Variants in LYPLAL1 observed in about 807,000 individuals in gnomAD.
LYPLAL1 encodes lysophospholipase like 1.
In LYPLAL1, 23 loss-of-function variants were observed where a neutral mutation model predicts 19.7. The ratio of observed to expected loss-of-function variants is 1.17; its 90% CI spans 0.84 to 1.65. LYPLAL1 has a LOEUF of 1.65. Among genes scored for constraint, LYPLAL1 ranks in the 40% most tolerant of loss-of-function variants. The pLI is 0.00. For synonymous variants in LYPLAL1, 119 were observed against 96.3 expected, an observed-to-expected ratio of 1.24 and a Z score of -1.38; for missense variants, 355 against 279.4, an observed-to-expected ratio of 1.27 and a Z score of -1.93.
At chr1:219,349,651 G>T in the LYPLAL1 span, among the ~76,000 whole-genome samples, 1 of 152,324 alleles carries the variant, frequency 6.6e-6, no homozygotes, top group East Asian at 1.9e-4. Flanking sequence ...GTATGTGCTT[G>T]TGTGTTCATG....
the LYPLAL1 span, among the ~76,000 whole-genome samples, chr1:219,388,716 A>T: frequency 6.6e-6 from 1 of 152,188 alleles, no homozygotes; most frequent in Admixed American, 6.5e-5. Context: ...AATATCAGTA[A>T]AAACAAAAAA....
chr1:219,327,412 C>T, the LYPLAL1 span, among the ~76,000 whole-genome samples: 8,465 of 152,016 alleles, frequency 0.056, 326 homozygotes, highest in Non-Finnish European at 0.081. Context: ...TTTGAAATGG[C>T]GAGGCAATTG....
chr1:219,409,610 T>C, the LYPLAL1 span: 1 of 152,274 alleles, frequency 6.6e-6, no homozygotes, highest in Non-Finnish European at 1.5e-5. Flanking sequence ...ATAGATACAA[T>C]GAAGTTTACT....
chr1:219,238,961 A>C, the LYPLAL1 span, among the ~76,000 whole-genome samples: 1 of 152,216 alleles, frequency 6.6e-6, no homozygotes, highest in Non-Finnish European at 1.5e-5. Flanking sequence ...TTGAGTATAG[A>C]ATGACTGACC....
At chr1:219,351,662 G>A in the LYPLAL1 span, among the ~76,000 whole-genome samples, 1 of 152,062 alleles carries the variant, frequency 6.6e-6, no homozygotes, top group African/African-American at 2.4e-5. Flanking sequence ...TGGGAAAGTA[G>A]CAAATCATGC....
chr1:219,336,524 G>A, the LYPLAL1 span, among the ~76,000 whole-genome samples: 1 of 151,886 alleles, frequency 6.6e-6, no homozygotes, highest in Non-Finnish European at 1.5e-5. Flanking sequence ...TACCAACACT[G>A]TTGCCATTGG....
At chr1:219,398,195 C>G in the LYPLAL1 span, among the ~76,000 whole-genome samples, 61,067 of 151,938 alleles carry the variant, frequency 0.4, 12,391 homozygotes, top group Admixed American at 0.47. Flanking sequence ...ACAAATGAGT[C>G]ACAGATTTGG....
At chr1:219,385,866 AT>A in the LYPLAL1 span, among the ~76,000 whole-genome samples, 6 of 151,976 alleles carry the variant, frequency 3.9e-5, no homozygotes, top group East Asian at 3.9e-4. Flanking sequence ...TGCTTCATCT[AT>A]TTTTTTTCTC....
intron 3 of LYPLAL1, among the ~76,000 whole-genome samples, chr1:219,201,650 C>T (rs566392028): frequency 6.6e-6 from 1 of 152,002 alleles, no homozygotes; most frequent in East Asian, 1.9e-4. Flanking sequence ...GTCTATAAAG[C>T]CTCTTTTTTC....
At chr1:219,439,959 CTATATATATATATACA>C in the LYPLAL1 span, among the ~76,000 whole-genome samples, 1 of 131,686 alleles carries the variant, frequency 7.6e-6, no homozygotes, top group Non-Finnish European at 1.5e-5. Context: ...ACAAAACTGA[CTATATATATATATACA>C]TATATATATA....
At chr1:219,305,240 G>C in the LYPLAL1 span, among the ~76,000 whole-genome samples, 1 of 152,146 alleles carries the variant, frequency 6.6e-6, no homozygotes, top group African/African-American at 2.4e-5. Context: ...TGGAATGCCA[G>C]GTGATGAGAT....
the LYPLAL1 span, among the ~76,000 whole-genome samples, chr1:219,428,218 T>G: frequency 6.6e-6 from 1 of 152,210 alleles, no homozygotes; most frequent in Non-Finnish European, 1.5e-5. Context: ...CCTGATCTAC[T>G]TACAGTTATC....
chr1:219,197,228 ATAC>A (rs1370183864), intron 3 of LYPLAL1, among the ~76,000 whole-genome samples: 2 of 152,204 alleles, frequency 1.3e-5, no homozygotes, highest in Non-Finnish European at 2.9e-5. Context: ...ACTTCAAACT[ATAC>A]TACAAGGCTA....
chr1:219,332,472 T>C, the LYPLAL1 span, among the ~76,000 whole-genome samples: 861 of 152,262 alleles, frequency 5.7e-3, 5 homozygotes, highest in Non-Finnish European at 7.9e-3. Context: ...TACAGAATTC[T>C]GAAAAATAAT....
At chr1:219,366,368 A>G in the LYPLAL1 span, among the ~76,000 whole-genome samples, 1 of 152,248 alleles carries the variant, frequency 6.6e-6, no homozygotes, top group Non-Finnish European at 1.5e-5. Context: ...ATGTTTGCCC[A>G]TAAATATCAA....
chr1:219,364,567 T>A, the LYPLAL1 span, among the ~76,000 whole-genome samples: 3 of 152,176 alleles, frequency 2.0e-5, no homozygotes, highest in African/African-American at 7.2e-5. Context: ...ATCTTGACTT[T>A]GTGATTACTT....
the LYPLAL1 span, among the ~76,000 whole-genome samples, chr1:219,294,917 A>G: frequency 2.6e-5 from 4 of 152,128 alleles, no homozygotes; most frequent in African/African-American, 9.7e-5. Context: ...GAGTTTTCCA[A>G]TTAAGGGAAT....
the LYPLAL1 span, among the ~76,000 whole-genome samples, chr1:219,390,780 T>A: frequency 1.5e-4 from 23 of 152,202 alleles, no homozygotes; most frequent in Non-Finnish European, 2.6e-4. Context: ...CTTAATAAAT[T>A]TGTTACCTTT....
chr1:219,307,023 CATATATATATATATATATGTATAT>C, the LYPLAL1 span, among the ~76,000 whole-genome samples: 61 of 119,458 alleles, frequency 5.1e-4, no homozygotes, highest in Middle Eastern at 4.7e-3. Flanking sequence ...TATACACATA[CATATATATATATATATATGTATAT>C]ATATATATAT....
Sources: allele counts gnomAD v4.1 joint callset (sites outside exome capture counted in the v4.1 genomes callset), GRCh38; gene constraint gnomAD v4.1.1; transcripts MANE v1.5; gene names NCBI Gene and HGNC (gene_info 2026-07-23, HGNC 2026-07-21).